Variants in SLC6A16 observed in about 807,000 individuals in gnomAD.
SLC6A16 encodes the protein solute carrier family 6 member 16, also known as orphan sodium- and chloride-dependent neurotransmitter transporter NTT5.
SLC6A16 carries 54 observed loss-of-function variants against 65.4 expected under a neutral mutation model. The ratio of observed to expected loss-of-function variants is 0.83; its 90% confidence interval spans 0.66 to 1.04. The LOEUF (loss-of-function observed/expected upper bound fraction) is 1.04. SLC6A16 is among the 50% of genes least tolerant of loss of function. The probability of loss-of-function intolerance (pLI) is 0.00; values close to 1 mark genes in which losing one functional copy is unlikely to be tolerated. For synonymous variants in SLC6A16, 330 were observed against 346.5 expected, an observed-to-expected ratio of 0.95 and a Z score of 0.53; for missense variants, 816 against 914.0, an observed-to-expected ratio of 0.89 and a Z score of 1.38.
chr19:49,330,830 T>TA, the SLC6A16 span, among the ~76,000 whole-genome samples: 6 of 151,766 alleles, frequency 4.0e-5, no homozygotes, highest in Admixed American at 3.9e-4. Context: ...TAATCCCAGC[T>TA]ACTCAGGAGG....
intron 7 of SLC6A16, among the ~76,000 whole-genome samples, chr19:49,306,485 T>A (rs1346913486): frequency 6.6e-6 from 1 of 151,248 alleles, no homozygotes; most frequent in African/African-American, 2.4e-5. Flanking sequence ...TATGCATACA[T>A]AGATGATAGA....
chr19:49,325,748 G>GT (rs1392469821), upstream of SLC6A16, among the ~76,000 whole-genome samples: 7 of 152,246 alleles, frequency 4.6e-5, no homozygotes, highest in Non-Finnish European at 8.8e-5. Flanking sequence ...TATATGGGTT[G>GT]TATGTTTATG....
chr19:49,325,690 C>T (rs538053005), upstream of SLC6A16, among the ~76,000 whole-genome samples: 11 of 152,244 alleles, frequency 7.2e-5, no homozygotes, highest in South Asian at 2.1e-3. Context: ...TCATACTTTC[C>T]GGTCTCTTAA....
chr19:49,329,718 T>C (rs996949595), upstream of SLC6A16, among the ~76,000 whole-genome samples: 2 of 147,224 alleles, frequency 1.4e-5, no homozygotes, highest in African/African-American at 5.0e-5. Context: ...CTGCAAGCTC[T>C]GCCTCCCAGG....
chr19:49,293,636 C>G (rs868049196), intron 9 of SLC6A16, among the ~76,000 whole-genome samples, 191 bp downstream of exon 9: 1 of 152,096 alleles, frequency 6.6e-6, no homozygotes, highest in Non-Finnish European at 1.5e-5. Flanking sequence ...TGGTGATGCA[C>G]GCCTATGGTC....
chr19:49,339,744 G>A, the SLC6A16 span: 24 of 1,383,162 alleles, frequency 1.7e-5, no homozygotes, highest in African/African-American at 2.9e-4. The surrounding 1 kb of genome is among the most constrained non-coding windows in gnomAD (Gnocchi z 4.5). Flanking sequence ...CTGGGGATTC[G>A]AGCCCCGGGC....
chr19:49,310,308 C>T (rs747749422), intron 3 of SLC6A16, 45 bp downstream of exon 3: 15 of 1,608,308 alleles, frequency 9.3e-6, no homozygotes, highest in Non-Finnish European at 1.2e-5. Context: ...GTTGGGATGG[C>T]GGTGGGGTGT....
At chr19:49,308,738 T>C (rs1970443992) in intron 7 of SLC6A16, 138 bp downstream of exon 7, 1 of 911,284 alleles carries the variant, frequency 1.1e-6, no homozygotes, top group Middle Eastern at 2.3e-4. Context: ...TTTTTAGCTA[T>C]GGGGAAGGTA....
rs1163883697 is a variant in SLC6A16 at position 49,290,719 on chromosome 19, G to T, written c.1827C>A (p.Ile609=). ...TILLGHPISP[I]FGWLWPHLCP... is the part of the protein sequence containing the mutation. ...ACAGATGGGGCCACAGCCAACCAAA[G>T]ATGGGAGAGATGGGGTGGCCCAACA... Residue 609 remains isoleucine (I), a synonymous_variant, in exon 11 of 12, where the codon ATC becomes ATA. Transcript: ENST00000335875. 1.9e-6 allele frequency: 3 copies of T among 1,613,378 alleles called. No homozygotes were observed. Among genetic ancestry groups the T allele is most frequent in the Non-Finnish European group, 2.5e-6 (3 of 1,179,720 alleles).
At chr19:49,317,751 A>G (rs1273584294) in intron 1 of SLC6A16, among the ~76,000 whole-genome samples, 2 of 152,104 alleles carry the variant, frequency 1.3e-5, no homozygotes, top group African/African-American at 4.8e-5. Context: ...GCTTGCAGTG[A>G]GCAGAGATCG....
the SLC6A16 span, chr19:49,335,693 A>T: frequency 2.5e-6 from 4 of 1,613,484 alleles, no homozygotes; most frequent in East Asian, 8.9e-5. The surrounding 1 kb of genome is among the most constrained non-coding windows in gnomAD (Gnocchi z 4.6). Context: ...CCACCCCCGT[A>T]TCCGCATCTC....
At chr19:49,309,618 A>T (rs1480770599) in intron 5 of SLC6A16, 33 bp downstream of exon 5, 1 of 1,590,758 alleles carries the variant, frequency 6.3e-7, no homozygotes, top group African/African-American at 1.3e-5. Context: ...AAAGCATCTG[A>T]GAATTTCAAG....
At chr19:49,304,225 T>C (rs967098306) in intron 7 of SLC6A16, among the ~76,000 whole-genome samples, 2 of 152,128 alleles carry the variant, frequency 1.3e-5, no homozygotes, top group East Asian at 1.9e-4. Context: ...CCCTAGCAAA[T>C]TGAGTCAAGG....
At chr19:49,335,442 GTCTCTCTTTCTCTCTCAGCC>G in the SLC6A16 span, 1 of 886,420 alleles carries the variant, frequency 1.1e-6, no homozygotes, top group Non-Finnish European at 1.8e-6. The surrounding 1 kb of genome is among the most constrained non-coding windows in gnomAD (Gnocchi z 4.6). Flanking sequence ...TCAGCTCTCC[GTCTCTCTTTCTCTCTCAGCC>G]TCTTTCTTTC....
rs373991329 is a variant in SLC6A16, at chr19:49,290,739, C to T, written c.1807G>A (p.Gly603Ser). 1 of 1,612,168 alleles carries T rather than the reference C, an allele frequency of 6.2e-7. No homozygotes were observed. Among genetic ancestry groups the T allele is most frequent in the Non-Finnish European group, 8.5e-7 (1 of 1,179,228 alleles). Reference sequence around the variant, plus strand: ...CCAAAGATGGGAGAGATGGGGTGGCCCAACAGGATCGTCAGGTCTGCAAGG... The same window carrying T: ...CCAAAGATGGGAGAGATGGGGTGGCTCAACAGGATCGTCAGGTCTGCAAGG... ...RFLADLTILL[G>S]HPISPIFGWL... Residue 603 changes from glycine (G) to serine (S), a missense_variant, in exon 11 of 12, where the codon GGC (glycine) becomes AGC (serine). Physicochemically the swap from Gly to Ser is moderately conservative, Grantham distance 56. Transcript: ENST00000335875.
intron 7 of SLC6A16, among the ~76,000 whole-genome samples, chr19:49,299,685 CAGAAA>C (rs899117437): frequency 7.3e-5 from 11 of 149,696 alleles, no homozygotes; most frequent in Non-Finnish European, 1.5e-4. Flanking sequence ...AAGATATTTT[CAGAAA>C]AGAAAAGTAG....
At chr19:49,335,672 TC>T in the SLC6A16 span, 1 of 1,611,598 alleles carries the variant, frequency 6.2e-7, no homozygotes, top group South Asian at 1.1e-5. The surrounding 1 kb of genome is among the most constrained non-coding windows in gnomAD (Gnocchi z 4.6). Flanking sequence ...GCCCTCATCT[TC>T]CCCTGTGGCC....
the SLC6A16 span, chr19:49,338,091 G>C: frequency 6.3e-7 from 1 of 1,585,804 alleles, no homozygotes; most frequent in Middle Eastern, 1.7e-4. This position sits in a 1 kb window ranked among gnomAD's most constrained non-coding sequence, Gnocchi z 5.0. Context: ...GCTTGGAGGA[G>C]ACTCCACCCC....
At chr19:49,318,160 A>G (rs1382587947) in intron 1 of SLC6A16, among the ~76,000 whole-genome samples, 1 of 152,242 alleles carries the variant, frequency 6.6e-6, no homozygotes, top group African/African-American at 2.4e-5. Flanking sequence ...ATGAAACCTC[A>G]TAAGAACAGG....
Sources: allele counts gnomAD v4.1 joint callset (sites outside exome capture counted in the v4.1 genomes callset), GRCh38; gene constraint gnomAD v4.1.1; non-coding constraint Gnocchi (gnomAD v3.1); transcripts MANE v1.5; gene names NCBI Gene and HGNC (gene_info 2026-07-23, HGNC 2026-07-21).